Variants in BDP1 observed in about 807,000 individuals in gnomAD.
BDP1 encodes the protein BDP1 general transcription factor IIIB subunit.
Under a neutral mutation model 266.6 loss-of-function variants are expected in BDP1, and 169 were observed. The ratio of observed to expected loss-of-function variants is 0.63; its 90% CI spans 0.56 to 0.72. The LOEUF is 0.72. BDP1 is among the 30% of genes least tolerant of loss of function. BDP1 has a pLI of 0.00. For synonymous variants in BDP1, 1,090 were observed against 1,022.4 expected (o/e 1.07, Z -1.26); for missense variants, 3,015 against 3,053.8 (o/e 0.99, Z 0.30).
chr5:71,544,541 A>G (rs1341956152), intron 31 of BDP1, 34 bp downstream of exon 31: 1 of 1,593,126 alleles, frequency 6.3e-7, no homozygotes, highest in Non-Finnish European at 8.5e-7. Flanking sequence ...GATTCAGTTT[A>G]TATTGTTTCA....
chr5:71,496,452 T>TG (rs1296967334), intron 12 of BDP1, among the ~76,000 whole-genome samples: 2 of 151,296 alleles, frequency 1.3e-5, no homozygotes, highest in African/African-American at 4.8e-5. Context: ...TTTTTTTTTT[T>TG]TTTGAGACAG....
At chr5:71,473,526 G>A (rs1392821689) in intron 7 of BDP1, among the ~76,000 whole-genome samples, 1 of 151,912 alleles carries the variant, frequency 6.6e-6, no homozygotes, top group Non-Finnish European at 1.5e-5. Flanking sequence ...GCCTGCCTCG[G>A]CCTCCCAAAG....
chr5:71,551,393 A>T (rs554088745), intron 34 of BDP1, among the ~76,000 whole-genome samples: 1 of 152,316 alleles, frequency 6.6e-6, no homozygotes, highest in Admixed American at 6.5e-5. Context: ...CCCTGAGTGG[A>T]CACAGCACAT....
intron 26 of BDP1, among the ~76,000 whole-genome samples, chr5:71,536,098 G>A (rs958314442): frequency 1.3e-5 from 2 of 152,144 alleles, no homozygotes; most frequent in Non-Finnish European, 2.9e-5. Context: ...AGAAGCGAGA[G>A]TGGGCATTTT....
At chr5:71,528,093 T>G (rs1766024650) in intron 25 of BDP1, among the ~76,000 whole-genome samples, 1 of 152,152 alleles carries the variant, frequency 6.6e-6, no homozygotes, top group South Asian at 2.1e-4. Flanking sequence ...AGTGCTGGGA[T>G]TACAGGTGTG....
intron 25 of BDP1, among the ~76,000 whole-genome samples, chr5:71,530,658 A>G (rs1164757275): frequency 6.6e-6 from 1 of 152,140 alleles, no homozygotes; most frequent in Non-Finnish European, 1.5e-5. Flanking sequence ...AGCTAGAACT[A>G]CAGGCATGTG....
chr5:71,475,171 G>A (rs770018005), intron 7 of BDP1, among the ~76,000 whole-genome samples: 1 of 151,886 alleles, frequency 6.6e-6, no homozygotes, highest in African/African-American at 2.4e-5. Flanking sequence ...TGCAGCCTCT[G>A]TCCTGGCTCA....
chr5:71,480,484 G>T (rs1038274267), intron 7 of BDP1, among the ~76,000 whole-genome samples: 10 of 151,532 alleles, frequency 6.6e-5, no homozygotes, highest in African/African-American at 2.4e-4. Context: ...TGGCCAGGCT[G>T]GTCTCGAACT....
chr5:71,548,577 A>T, intron 32 of BDP1, 105 bp from the exon 33 acceptor site: 1 of 728,056 alleles, frequency 1.4e-6, no homozygotes, highest in Non-Finnish European at 2.5e-6. Flanking sequence ...GTATATGGTT[A>T]GATGTTGTTG....
Position 71,562,348 on chromosome 5 carries a change from A to G in BDP1, c.7571A>G (p.Gln2524Arg), listed in dbSNP as rs1743730164. The G allele has an allele frequency of 3.1e-6, 5 of 1,613,618 alleles. No homozygotes were observed. Among genetic ancestry groups the G allele is most frequent in the Non-Finnish European group, 4.2e-6 (5 of 1,179,616 alleles). Residue 2524 changes from glutamine to arginine, a missense_variant, in exon 38 of 39, where the codon CAA (glutamine) becomes CGA (arginine). Gln to Arg is a conservative substitution (Grantham distance 43). This residue lies in a region of BDP1 where 629 missense variants were observed against 632.5 expected (regional missense o/e 0.99). Coordinates refer to ENST00000358731, the MANE Select transcript of BDP1 (RefSeq NM_018429.3). ...AGTTTGGAGTCTGATGAACCTATGC[A>G]AGTCCATAGTAAGAAACGCCTAAAA... ...KNSLESDEPM[Q>R]VHSKKRLKPL... is the part of the protein sequence containing the mutation.
chr5:71,482,898 C>T (rs1223721846), intron 7 of BDP1, among the ~76,000 whole-genome samples: 2 of 152,084 alleles, frequency 1.3e-5, no homozygotes, highest in Non-Finnish European at 2.9e-5. Context: ...GCAACCTGTA[C>T]ATTAAAAGAT....
chr5:71,573,624 C>G, the BDP1 span, among the ~76,000 whole-genome samples: 1 of 152,216 alleles, frequency 6.6e-6, no homozygotes, highest in Non-Finnish European at 1.5e-5. Context: ...ACTTGCTTGT[C>G]TGCTAGTGCA....
intron 32 of BDP1, among the ~76,000 whole-genome samples, chr5:71,545,858 G>C (rs538886711): frequency 6.7e-6 from 1 of 148,274 alleles, no homozygotes; most frequent in African/African-American, 2.5e-5. Flanking sequence ...AAAAAAGCCA[G>C]GCATGGTGGC....
intron 1 of BDP1, 69 bp downstream of exon 1, chr5:71,456,158 C>T (rs1761172852): frequency 6.9e-7 from 1 of 1,450,142 alleles, no homozygotes; most frequent in African/African-American, 1.4e-5. Flanking sequence ...GGAAGCTGAG[C>T]AAATGAATTT....
intron 8 of BDP1, among the ~76,000 whole-genome samples, chr5:71,484,999 T>C (rs954579059): frequency 6.6e-5 from 10 of 152,198 alleles, no homozygotes; most frequent in Non-Finnish European, 1.3e-4. Context: ...TCTGGAATAT[T>C]GTGCTCCTCA....
At position 71,545,188 on chromosome 5, in the gene BDP1, G is replaced by A; in HGVS notation, c.6713G>A (p.Gly2238Glu). ...VEEPQIKDSK[G>E]DSVLTLPVPE... ...GAGCCCCAGATAAAGGACTCTAAAGGAGACAGTGTGCTTACACTTCCTGTG... is the reference window on the plus strand; with the variant it reads ...GAGCCCCAGATAAAGGACTCTAAAGAAGACAGTGTGCTTACACTTCCTGTG... Residue 2238 changes from glycine to glutamate, a missense_variant, in exon 32 of 39, where the codon GGA becomes GAA. Coordinates refer to ENST00000358731, the MANE Select transcript of BDP1 (RefSeq NM_018429.3). The A allele has an allele frequency of 6.2e-7, 1 of 1,613,862 alleles. No homozygotes were observed. Among genetic ancestry groups the A allele is most frequent in the Non-Finnish European group, 8.5e-7 (1 of 1,179,952 alleles).
chr5:71,489,672 A>G lies in BDP1; in HGVS notation c.1482A>G (p.Glu494=). The G allele has an allele frequency of 6.2e-7, 1 of 1,603,646 alleles. No homozygotes were observed. Among genetic ancestry groups the G allele is most frequent in the Non-Finnish European group, 8.5e-7 (1 of 1,177,268 alleles). Residue 494 remains glutamate (E), a synonymous_variant, in exon 10 of 39, where the codon GAA becomes GAG. Transcript: ENST00000358731. ...ATVQAGPSKG[E]KHKNKCQAIR... ...TTCAGGCGGGTCCTTCTAAAGGAGA[A>G]AAACACAAGAGTAAGTTTCTTACAT...
At position 71,510,823 on chromosome 5, in the gene BDP1, T is replaced by C; in HGVS notation, c.3731T>C (p.Phe1244Ser). ...ISQREKVLAE[F>S]SAIREKEIDL... ...CAAAGGGAAAAGGTGCTAGCAGAGT[T>C]CAGTGCTATAAGGGAAAAGGAGATT... The change falls in exon 17 of 39, where the codon TTC becomes TCC. Residue 1244 changes from phenylalanine (F) to serine (S), a missense_variant. Physicochemically the swap from Phe to Ser is radical, Grantham distance 155. Around this residue, in one of 3 missense-constraint regions of BDP1, gnomAD observed 2,383 missense variants for 2,404.9 expected, o/e 0.99. Coordinates refer to ENST00000358731, the MANE Select transcript of BDP1 (RefSeq NM_018429.3). 1 of 1,613,380 alleles carries C rather than the reference T, an allele frequency of 6.2e-7. No individual in the cohort carries two copies. The highest frequency in any genetic ancestry group is 8.5e-7 in the Non-Finnish European group (1 of 1,179,782).
intron 2 of BDP1, among the ~76,000 whole-genome samples, chr5:71,460,834 A>G (rs1579972371): frequency 6.6e-6 from 1 of 151,832 alleles, no homozygotes; most frequent in East Asian, 1.9e-4. Flanking sequence ...ATTTGCTTCA[A>G]GAATTTTACA....
Sources: allele counts gnomAD v4.1 joint callset (sites outside exome capture counted in the v4.1 genomes callset), GRCh38; gene constraint gnomAD v4.1.1; regional missense constraint gnomAD v4.1.1; transcripts MANE v1.5; gene names NCBI Gene and HGNC (gene_info 2026-07-23, HGNC 2026-07-21).